The following ASTN2 variants were observed in gnomAD, a reference collection of about 807,000 sequenced individuals.
The protein encoded by ASTN2 is astrotactin 2.
In ASTN2, 54 loss-of-function variants were observed where a neutral mutation model predicts 139.8. The ratio of observed to expected loss-of-function variants is 0.39; its 90% confidence interval spans 0.31 to 0.48. The LOEUF (loss-of-function observed/expected upper bound fraction) is 0.48, where lower values mean the gene tolerates loss of function less well. ASTN2 is among the 20% of genes least tolerant of loss of function. The pLI is 0.95. For synonymous variants in ASTN2, 756 were observed against 719.5 expected (o/e 1.05, Z -0.81); for missense variants, 1,565 against 1,725.1 (o/e 0.91, Z 1.64).
chr9:117,155,960 C>G (rs1572154), intron 3 of ASTN2, among the ~76,000 whole-genome samples: 150,633 of 152,070 alleles, frequency 0.99, 74,622 homozygotes, highest in South Asian at 1. Flanking sequence ...AGTGTGTTGA[C>G]AGATGAGTGT....
At position 116,565,376 on chromosome 9, in the gene ASTN2, TCTCTCTCTCTCC is replaced by T. The variant is rs1270261607; in HGVS notation, c.3355+52936_3355+52947del. ...TTCTCTCTCTCTCTCTCTCTCTCTCTCTCTCTCTCTCCATATATATATATATATATATATATA... is the reference window on the plus strand; with the variant it reads ...TTCTCTCTCTCTCTCTCTCTCTCTCTATATATATATATATATATATATATA... On this transcript the variant is annotated intron_variant, in intron 19 of 22. Transcript: ENST00000313400. 1.0e-3 allele frequency among the ~76,000 whole-genome samples: 31 copies of T among 30,422 alleles called. No individual in the cohort carries two copies. In the South Asian group the frequency reaches 0.031, roughly 30 times the overall value. 20.0% of individuals were successfully genotyped at this position (30,422 alleles called of 152,430 possible).
intron 3 of ASTN2, among the ~76,000 whole-genome samples, chr9:117,142,059 G>A (rs138604038): frequency 2.0e-5 from 3 of 152,198 alleles, no homozygotes; most frequent in Non-Finnish European, 4.4e-5. Context: ...GATCTGAAAC[G>A]AGAAGGAGCA....
chr9:117,320,152 G>A (rs1224400138), intron 1 of ASTN2, among the ~76,000 whole-genome samples: 1 of 152,136 alleles, frequency 6.6e-6, no homozygotes, highest in Non-Finnish European at 1.5e-5. Flanking sequence ...CCCTGTTTGA[G>A]CACAGAGAAA....
chr9:116,957,322 C>A (rs2132496616), intron 10 of ASTN2, among the ~76,000 whole-genome samples: 1 of 152,172 alleles, frequency 6.6e-6, no homozygotes, highest in East Asian at 1.9e-4. Context: ...TAAAGAAAGA[C>A]AATGCTTTTT....
rs538814080 is a variant in ASTN2 at position 117,406,486 on chromosome 9, C to G, written c.442+8011G>C. Reference sequence around the variant, plus strand: ...CTCTGACGTCTTGTCCTGCCACCCCCCTCCTCCACCACCACTTGTTCACTG... The same window carrying G: ...CTCTGACGTCTTGTCCTGCCACCCCGCTCCTCCACCACCACTTGTTCACTG... On this transcript the variant is annotated intron_variant, in intron 1 of 22. Transcript: ENST00000313400. Among the ~76,000 whole-genome samples, 8 of 152,220 alleles carry G rather than the reference C, an allele frequency of 5.3e-5. No individual in the cohort carries two copies. In the East Asian group the frequency reaches 7.7e-4, roughly 15 times the overall value.
chr9:117,117,220 A>G (rs1408910505), intron 4 of ASTN2, among the ~76,000 whole-genome samples: 1 of 152,172 alleles, frequency 6.6e-6, no homozygotes, highest in East Asian at 1.9e-4. Context: ...AAGACACATG[A>G]AAGTTTCTAC....
chr9:117,003,946 G>GCA (rs1837273372), intron 7 of ASTN2, among the ~76,000 whole-genome samples: 4 of 139,866 alleles, frequency 2.9e-5, no homozygotes, highest in African/African-American at 1.1e-4. Context: ...TTTCACGCGC[G>GCA]CGCGCGCGTG....
At chr9:116,786,781 AT>A (rs1830390254) in intron 13 of ASTN2, among the ~76,000 whole-genome samples, 1 of 152,118 alleles carries the variant, frequency 6.6e-6, no homozygotes, top group Non-Finnish European at 1.5e-5. Flanking sequence ...CTCATCTTGA[AT>A]TGTGGTTCCC....
intron 16 of ASTN2, among the ~76,000 whole-genome samples, chr9:116,682,459 T>C (rs1449502106): frequency 6.6e-6 from 1 of 152,202 alleles, no homozygotes; most frequent in Non-Finnish European, 1.5e-5. Flanking sequence ...ATTGTGGAAG[T>C]CAGTGTGGCA....
chr9:116,455,874 CA>C (rs1318850542), intron 20 of ASTN2, among the ~76,000 whole-genome samples: 3 of 151,460 alleles, frequency 2.0e-5, no homozygotes, highest in Non-Finnish European at 2.9e-5. Context: ...TAGTTCAACA[CA>C]ATAAAACTAT....
chr9:116,613,236 A>G (rs908500053), intron 19 of ASTN2: 2 of 152,242 alleles, frequency 1.3e-5, no homozygotes, highest in Non-Finnish European at 2.9e-5. Context: ...CATAATTAAT[A>G]GCCTACTAAC....
chr9:117,162,520 T>C (rs766034170), intron 3 of ASTN2, among the ~76,000 whole-genome samples: 7 of 152,024 alleles, frequency 4.6e-5, no homozygotes, highest in Non-Finnish European at 7.4e-5. Context: ...GTGGTTAAAA[T>C]ACAGAAGAGC....
At chr9:116,840,495 CGG>C (rs2132302510) in intron 11 of ASTN2, among the ~76,000 whole-genome samples, 1 of 119,584 alleles carries the variant, frequency 8.4e-6, no homozygotes, top group South Asian at 3.0e-4. Flanking sequence ...GGCGGCTGGC[CGG>C]ACGGGGGGCT....
chr9:117,237,628 T>G (rs1170887037), intron 2 of ASTN2, among the ~76,000 whole-genome samples: 1 of 152,130 alleles, frequency 6.6e-6, no homozygotes, highest in East Asian at 1.9e-4. Flanking sequence ...TACAGGTGCA[T>G]GCCATCACGC....
At chr9:116,705,740 A>G (rs906732839) in intron 16 of ASTN2, among the ~76,000 whole-genome samples, 1 of 152,186 alleles carries the variant, frequency 6.6e-6, no homozygotes, top group African/African-American at 2.4e-5. Flanking sequence ...AAATAATAAA[A>G]AATACAAGAG....
chr9:116,460,246 A>T (rs1434428428), intron 20 of ASTN2, among the ~76,000 whole-genome samples: 1 of 152,074 alleles, frequency 6.6e-6, no homozygotes, highest in Non-Finnish European at 1.5e-5. Context: ...AGGGGTTGGG[A>T]GGAAGGGGCA....
chr9:116,792,996 A>G (rs1032910146), intron 13 of ASTN2, among the ~76,000 whole-genome samples: 1 of 152,156 alleles, frequency 6.6e-6, no homozygotes, highest in Non-Finnish European at 1.5e-5. Flanking sequence ...AATATTGGGT[A>G]CTATGCTCAG....
intron 16 of ASTN2, among the ~76,000 whole-genome samples, chr9:116,722,944 T>C (rs1828513146): frequency 6.6e-6 from 1 of 152,116 alleles, no homozygotes; most frequent in Admixed American, 6.5e-5. Flanking sequence ...GATGGGCGGA[T>C]CATGAGGTCA....
rs150006268 is a variant in ASTN2 at position 117,113,235 on chromosome 9, C to T, written c.1169-17084G>A. The stretch of plus-strand genomic sequence containing the variant: ...AACCCAGATATCCCATTCCTAGTTA[C>T]ACAAGAGAAACAAAACCATATATGT... On this transcript the variant is annotated intron_variant, in intron 4 of 22. Transcript: ENST00000313400. Among the ~76,000 whole-genome samples the T allele has an allele frequency of 5.5e-3, 841 of 152,294 alleles. 10 individuals are homozygous for T. Among genetic ancestry groups the T allele is most frequent in the African/African-American group, 0.017 (710 of 41,566 alleles).
Sources: gnomAD v4.1 joint callset for allele counts (sites outside exome capture counted in the v4.1 genomes callset) on GRCh38, gnomAD v4.1.1 for gene constraint, MANE v1.5 for transcripts, NCBI Gene and HGNC (gene_info 2026-07-23, HGNC 2026-07-21) for gene names.